The following UNC5D variants were observed in gnomAD, a reference collection of about 807,000 sequenced individuals.
UNC5D encodes netrin receptor UNC5D.
Under a neutral mutation model 105.4 loss-of-function variants are expected in UNC5D, and 39 were observed. That is an observed-to-expected ratio of 0.37 (90% CI 0.29 to 0.48). UNC5D has a LOEUF of 0.48. Among genes scored for constraint, UNC5D ranks in the 20% least tolerant of loss-of-function variants. UNC5D has a pLI of 0.98. For synonymous variants in UNC5D, 452 were observed against 450.4 expected, an observed-to-expected ratio of 1.00 and a Z score of -0.04; for missense variants, 991 against 1,202.4, an observed-to-expected ratio of 0.82 and a Z score of 2.60.
chr8:35,530,894 C>T (rs997615272), intron 1 of UNC5D, among the ~76,000 whole-genome samples: 1 of 135,588 alleles, frequency 7.4e-6, no homozygotes, highest in Non-Finnish European at 1.5e-5. Context: ...GTGGTGATAT[C>T]CCCTTTATCA....
At chr8:35,242,823 G>A (rs1385418454) in intron 1 of UNC5D, among the ~76,000 whole-genome samples, 1 of 152,168 alleles carries the variant, frequency 6.6e-6, no homozygotes. Flanking sequence ...GAGAAGATTT[G>A]CCTCTAAATA....
intron 11 of UNC5D, among the ~76,000 whole-genome samples, chr8:35,740,621 T>C (rs2131605634): frequency 6.6e-6 from 1 of 152,318 alleles, no homozygotes; most frequent in East Asian, 1.9e-4. Flanking sequence ...GGGCTTTGTT[T>C]AGTGTCTATG....
At chr8:35,414,351 T>C (rs1216819459) in intron 1 of UNC5D, among the ~76,000 whole-genome samples, 1 of 152,134 alleles carries the variant, frequency 6.6e-6, no homozygotes, top group Non-Finnish European at 1.5e-5. Context: ...CTTTGCCATG[T>C]AGTTATAACA....
intron 1 of UNC5D, among the ~76,000 whole-genome samples, chr8:35,472,878 T>G (rs144510876): frequency 6.6e-6 from 1 of 152,010 alleles, no homozygotes; most frequent in Non-Finnish European, 1.5e-5. Flanking sequence ...AAAATAAAGA[T>G]CCCGGGATGA....
chr8:35,480,035 T>G lies in UNC5D; in HGVS notation c.104-69257T>G, dbSNP rs535795503. Among the ~76,000 whole-genome samples the G allele has an allele frequency of 2.4e-4, 37 of 152,322 alleles. 3 individuals are homozygous for G. In the South Asian group the frequency reaches 7.5e-3, roughly 31 times the overall value. Reference sequence around the variant, plus strand: ...ATTGTGTGTTTCCAATGGCAGTCCCTAACAGATCACTCTGAGTTATCAGTG... The same window carrying G: ...ATTGTGTGTTTCCAATGGCAGTCCCGAACAGATCACTCTGAGTTATCAGTG... On this transcript the variant is annotated intron_variant, in intron 1 of 16. Coordinates refer to ENST00000404895, the MANE Select transcript of UNC5D (RefSeq NM_080872.4).
intron 1 of UNC5D, among the ~76,000 whole-genome samples, chr8:35,425,973 C>T (rs1563406222): frequency 6.6e-6 from 1 of 152,098 alleles, no homozygotes; most frequent in African/African-American, 2.4e-5. Flanking sequence ...TTTTTAGTAG[C>T]CTGACACATA....
intron 4 of UNC5D, among the ~76,000 whole-genome samples, chr8:35,619,572 C>G (rs1437484423): frequency 6.6e-6 from 1 of 152,156 alleles, no homozygotes; most frequent in Non-Finnish European, 1.5e-5. Flanking sequence ...GTCTGTCTGT[C>G]TGTTTCAGTG....
At chr8:35,406,070 C>A (rs1804782266) in intron 1 of UNC5D, among the ~76,000 whole-genome samples, 1 of 152,060 alleles carries the variant, frequency 6.6e-6, no homozygotes, top group South Asian at 2.1e-4. Flanking sequence ...TAATGAGATT[C>A]TTTGATTTTT....
At chr8:35,422,091 C>T (rs551259312) in intron 1 of UNC5D, among the ~76,000 whole-genome samples, 24 of 152,278 alleles carry the variant, frequency 1.6e-4, no homozygotes, top group Middle Eastern at 3.4e-3. Context: ...TATAGCCTCA[C>T]GCTGGGATTG....
At chr8:35,516,120 A>G (rs1187537451) in intron 1 of UNC5D, among the ~76,000 whole-genome samples, 2 of 152,206 alleles carry the variant, frequency 1.3e-5, no homozygotes, top group East Asian at 3.9e-4. Context: ...ATTGTGAGCC[A>G]GCACAAATTC....
At chr8:35,423,859 T>C (rs980772323) in intron 1 of UNC5D, among the ~76,000 whole-genome samples, 1 of 151,822 alleles carries the variant, frequency 6.6e-6, no homozygotes, top group South Asian at 2.1e-4. Flanking sequence ...GTACTTTTTT[T>C]TTTTTTTTTT....
At chr8:35,305,284 A>G (rs963326449) in intron 1 of UNC5D, among the ~76,000 whole-genome samples, 2 of 152,126 alleles carry the variant, frequency 1.3e-5, no homozygotes, top group Non-Finnish European at 2.9e-5. Flanking sequence ...TTAAAATAGC[A>G]TGGAATTCTT....
chr8:35,426,875 C>T (rs909920805), intron 1 of UNC5D, among the ~76,000 whole-genome samples: 2 of 152,032 alleles, frequency 1.3e-5, no homozygotes, highest in African/African-American at 4.8e-5. Flanking sequence ...GGTAGTCACC[C>T]AGTGGAAGGC....
intron 1 of UNC5D, among the ~76,000 whole-genome samples, chr8:35,393,125 C>CCCT (rs1803876869): frequency 1.3e-5 from 1 of 75,068 alleles, no homozygotes; most frequent in African/African-American, 4.8e-5. Flanking sequence ...CCTATTCCTA[C>CCCT]TTTTTTTTTT....
chr8:35,635,813 G>A (rs1194115203), intron 4 of UNC5D, among the ~76,000 whole-genome samples: 1 of 152,194 alleles, frequency 6.6e-6, no homozygotes, highest in African/African-American at 2.4e-5. Flanking sequence ...AGGGAAAAGA[G>A]TTACGTGTGT....
chr8:35,710,446 C>T (rs1186846953), intron 8 of UNC5D, among the ~76,000 whole-genome samples: 2 of 152,076 alleles, frequency 1.3e-5, no homozygotes, highest in African/African-American at 4.8e-5. Context: ...GTTATAAATG[C>T]TAAGTTTGAG....
chr8:35,501,477 A>G (rs1811970949), intron 1 of UNC5D, among the ~76,000 whole-genome samples: 2 of 152,352 alleles, frequency 1.3e-5, no homozygotes. Context: ...GAAGATAGCT[A>G]TAAGCTCCTC....
chr8:35,397,063 C>T (rs1347327800), intron 1 of UNC5D, among the ~76,000 whole-genome samples: 1 of 151,508 alleles, frequency 6.6e-6, no homozygotes, highest in Non-Finnish European at 1.5e-5. Context: ...TGTGCCACCA[C>T]ACCTGGCTAA....
chr8:35,581,773 A>T (rs1413656668), intron 3 of UNC5D, among the ~76,000 whole-genome samples: 1 of 152,006 alleles, frequency 6.6e-6, no homozygotes, highest in Non-Finnish European at 1.5e-5. Context: ...AAAAATTAAA[A>T]GAAAAAAAAA....
Sources: gnomAD v4.1 joint callset for allele counts (sites outside exome capture counted in the v4.1 genomes callset) on GRCh38, gnomAD v4.1.1 for gene constraint, MANE v1.5 for transcripts, NCBI Gene and HGNC (gene_info 2026-07-23, HGNC 2026-07-21) for gene names.